Variants in PTPRT observed in about 807,000 individuals in gnomAD.
PTPRT encodes receptor-type tyrosine-protein phosphatase T.
PTPRT carries 56 observed loss-of-function variants against 176.8 expected under a neutral mutation model. That is an observed-to-expected ratio of 0.32 (90% CI 0.26 to 0.40). The LOEUF (loss-of-function observed/expected upper bound fraction) is 0.40, where lower values mean the gene tolerates loss of function less well. Ranked by LOEUF, PTPRT falls within the 10% of genes least tolerant of loss-of-function variation. PTPRT has a pLI of 1.00. For missense variants in PTPRT, 1,540 were observed against 1,908.2 expected (o/e 0.81, Z 3.60); for synonymous variants, 783 against 739.0 (o/e 1.06, Z -0.96).
At chr20:43,067,172 A>G (rs2011119670) in intron 1 of PTPRT, among the ~76,000 whole-genome samples, 1 of 152,242 alleles carries the variant, frequency 6.6e-6, no homozygotes, top group Admixed American at 6.5e-5. Context: ...CACATGCTAC[A>G]GTATGGATGA....
rs924735997 is a variant in PTPRT, at chr20:42,078,071, G to A, written c.*2808C>T. Reference sequence around the variant, plus strand: ...TTGCAGGCTGGGGAAGGCCAGCTGGGGCATTGGGCTGGAGCCGAGGGAGGC... The same window carrying A: ...TTGCAGGCTGGGGAAGGCCAGCTGGAGCATTGGGCTGGAGCCGAGGGAGGC... On this transcript the variant is annotated 3_prime_UTR_variant, in exon 31 of 31. Transcript: ENST00000373187. The A allele has an allele frequency of 1.4e-4, 26 of 187,166 alleles. No individual in the cohort carries two copies. Among genetic ancestry groups the A allele is most frequent in the African/African-American group, 5.4e-4 (23 of 42,690 alleles). 11.6% of individuals were successfully genotyped at this position (187,166 alleles called of 1,614,324 possible). A position where few individuals can be genotyped will look rare whatever the true frequency, so the allele number is the denominator to read the frequency against.
chr20:42,612,097 CT>C (rs2073985227), intron 7 of PTPRT, among the ~76,000 whole-genome samples: 1 of 152,118 alleles, frequency 6.6e-6, no homozygotes, highest in South Asian at 2.1e-4. Flanking sequence ...CACCCATCTC[CT>C]GACTCTTCCC....
intron 12 of PTPRT, among the ~76,000 whole-genome samples, chr20:42,310,499 C>T (rs1033637183): frequency 6.6e-6 from 1 of 152,080 alleles, no homozygotes; most frequent in African/African-American, 2.4e-5. Flanking sequence ...GAATTTAGCT[C>T]TATATGGGAA....
At chr20:42,994,625 TA>T (rs1179033355) in intron 1 of PTPRT, among the ~76,000 whole-genome samples, 2 of 152,184 alleles carry the variant, frequency 1.3e-5, no homozygotes, top group Admixed American at 6.5e-5. Context: ...TATTGCAGTA[TA>T]ACCAAGACTA....
intron 9 of PTPRT, among the ~76,000 whole-genome samples, chr20:42,446,613 T>A (rs1568886377): frequency 6.7e-6 from 1 of 148,852 alleles, no homozygotes; most frequent in Non-Finnish European, 1.5e-5. Flanking sequence ...TGTGTGTGTG[T>A]GTGTGTGTGA....
At chr20:42,326,632 G>A (rs2057886393) in intron 11 of PTPRT, among the ~76,000 whole-genome samples, 2 of 152,082 alleles carry the variant, frequency 1.3e-5, no homozygotes, top group South Asian at 4.1e-4. Flanking sequence ...ACATTGGAAG[G>A]AAAATAAAAC....
intron 15 of PTPRT, among the ~76,000 whole-genome samples, chr20:42,227,837 G>A (rs2056053368): frequency 6.6e-6 from 1 of 152,014 alleles, no homozygotes; most frequent in East Asian, 1.9e-4. Context: ...TCAAACTCCT[G>A]ACCTCAGGTA....
chr20:42,087,400 TA>T (rs1363270432), intron 27 of PTPRT, among the ~76,000 whole-genome samples: 1 of 149,404 alleles, frequency 6.7e-6, no homozygotes, highest in Non-Finnish European at 1.5e-5. Flanking sequence ...CCGGCTATTT[TA>T]TTTTTTTTAT....
At chr20:42,447,433 C>A (rs571724007) in intron 9 of PTPRT, among the ~76,000 whole-genome samples, 2 of 152,030 alleles carry the variant, frequency 1.3e-5, no homozygotes, top group Non-Finnish European at 2.9e-5. Context: ...CTTCCCTCTG[C>A]ATTCCTGTGT....
At chr20:42,445,157 C>G (rs921001930) in intron 9 of PTPRT, among the ~76,000 whole-genome samples, 1 of 152,192 alleles carries the variant, frequency 6.6e-6, no homozygotes, top group African/African-American at 2.4e-5. Flanking sequence ...GGCAAGACAT[C>G]TGTACCTGCA....
At chr20:42,945,432 C>T (rs1348183279) in intron 1 of PTPRT, among the ~76,000 whole-genome samples, 1 of 152,186 alleles carries the variant, frequency 6.6e-6, no homozygotes, top group African/African-American at 2.4e-5. Flanking sequence ...TCTGCCAGGG[C>T]GTCTGCTGTT....
At chr20:42,473,187 CT>C (rs1332966288) in intron 7 of PTPRT, among the ~76,000 whole-genome samples, 10 of 152,306 alleles carry the variant, frequency 6.6e-5, no homozygotes, top group African/African-American at 2.4e-4. Context: ...TTCCATCCCT[CT>C]TTTTCTCCCC....
intron 13 of PTPRT, among the ~76,000 whole-genome samples, chr20:42,272,136 G>A (rs1403535247): frequency 5.3e-5 from 8 of 152,030 alleles, no homozygotes; most frequent in Non-Finnish European, 1.5e-5. Flanking sequence ...TTTTCTAATG[G>A]TGGGGAAAAA....
chr20:42,574,229 G>A (rs1197672300), intron 7 of PTPRT, among the ~76,000 whole-genome samples: 1 of 152,110 alleles, frequency 6.6e-6, no homozygotes, highest in African/African-American at 2.4e-5. Flanking sequence ...CCGTGAGTCT[G>A]AACAAATTCT....
chr20:43,077,070 A>G (rs2011297935), intron 1 of PTPRT, among the ~76,000 whole-genome samples: 1 of 152,214 alleles, frequency 6.6e-6, no homozygotes, highest in South Asian at 2.1e-4. Context: ...TAAAAGGACC[A>G]ATGTGATCTG....
At chr20:42,634,087 ATATAATAATATATATAT>A (rs2074536006) in intron 7 of PTPRT, among the ~76,000 whole-genome samples, 1 of 53,772 alleles carries the variant, frequency 1.9e-5, no homozygotes, top group African/African-American at 8.5e-5. Context: ...TATATATATA[ATATAATAATATATATAT>A]TATAATAATA....
chr20:42,266,187 G>A (rs1186635251), intron 13 of PTPRT, among the ~76,000 whole-genome samples: 1 of 152,198 alleles, frequency 6.6e-6, no homozygotes, highest in Non-Finnish European at 1.5e-5. Context: ...AAGGCGAAAG[G>A]CTGAGTAATT....
chr20:42,851,691 C>T (rs540224089), intron 2 of PTPRT, among the ~76,000 whole-genome samples: 2 of 152,302 alleles, frequency 1.3e-5, no homozygotes, highest in African/African-American at 4.8e-5. Context: ...GCTTTGCAAC[C>T]ATATCGTCTC....
At chr20:42,265,958 G>A (rs1474106297) in intron 13 of PTPRT, among the ~76,000 whole-genome samples, 1 of 152,256 alleles carries the variant, frequency 6.6e-6, no homozygotes, top group African/African-American at 2.4e-5. Flanking sequence ...TGCCAAGGCC[G>A]TGATTTAAAG....
Sources: gnomAD v4.1 joint callset for allele counts (sites outside exome capture counted in the v4.1 genomes callset) on GRCh38, gnomAD v4.1.1 for gene constraint, MANE v1.5 for transcripts, NCBI Gene and HGNC (gene_info 2026-07-23, HGNC 2026-07-21) for gene names.